The following BIRC3 variants were observed in gnomAD, a reference collection of about 807,000 sequenced individuals.
BIRC3 encodes the protein baculoviral IAP repeat-containing protein 3.
BIRC3 carries 26 observed loss-of-function variants against 59.0 expected under a neutral mutation model. The observed-to-expected ratio is 0.44, with a 90% confidence interval of 0.32 to 0.61. BIRC3 has a LOEUF of 0.61. BIRC3 is among the 20% of genes least tolerant of loss of function. The pLI, the probability that BIRC3 is intolerant of heterozygous loss-of-function variation, is 0.04. For synonymous variants in BIRC3, 243 were observed against 249.2 expected (o/e 0.98, Z 0.24); for missense variants, 641 against 711.5 (o/e 0.90, Z 1.13).
rs777921236 is a variant in BIRC3 at position 102,324,566 on chromosome 11, G to T, written c.57G>T (p.Thr19=). Residue 19 remains threonine, a synonymous_variant, in exon 2 of 9, where the codon ACG becomes ACT. Coordinates refer to ENST00000263464, the MANE Select transcript of BIRC3 (RefSeq NM_001165.5). ...CAAATTTGATGAAAAGCGCCAACAC[G>T]TTTGAACTGAAATACGACTTGTCAT... The part of the protein sequence containing the change: ...FLSNLMKSAN[T]FELKYDLSCE... 5 of 1,613,920 alleles carry T rather than the reference G, an allele frequency of 3.1e-6. No homozygotes were observed. In the African/African-American group the frequency reaches 6.7e-5, roughly 22 times the overall value.
At position 102,337,518 on chromosome 11, in the gene BIRC3, A is replaced by G. The variant is rs977775926; in HGVS notation, c.*416A>G. On this transcript the variant is annotated 3_prime_UTR_variant, in exon 9 of 9. Coordinates refer to ENST00000263464, the MANE Select transcript of BIRC3 (RefSeq NM_001165.5). ...TGAGGCAAGAGAATTACTTGAGCCCAGGAGTTTGAATCCATCCTGGGCAGC... is the reference window on the plus strand; with the variant it reads ...TGAGGCAAGAGAATTACTTGAGCCCGGGAGTTTGAATCCATCCTGGGCAGC... The G allele has an allele frequency of 1.0e-5, 4 of 392,216 alleles. No homozygotes were observed. The highest frequency in any genetic ancestry group is 2.1e-5 in the African/African-American group (1 of 48,450). The allele number at this position is 392,216 out of a possible 1,614,324, so 24.3% of individuals were successfully genotyped here. A position where few individuals can be genotyped will look rare whatever the true frequency, so the allele number is the denominator to read the frequency against.
intron 3 of BIRC3, among the ~76,000 whole-genome samples, 185 bp downstream of exon 3, chr11:102,325,750 T>C (rs941351582): frequency 1.3e-5 from 2 of 152,018 alleles, no homozygotes; most frequent in African/African-American, 4.8e-5. Context: ...AACGAAGAAA[T>C]AGATTTGGGG....
At chr11:102,330,883 T>C (rs1203510802) in intron 5 of BIRC3, 116 bp from the exon 6 acceptor site, 2 of 1,058,000 alleles carry the variant, frequency 1.9e-6, no homozygotes, top group Non-Finnish European at 2.6e-6. Context: ...ATACATTTTG[T>C]TGGTTTTACA....
At position 102,319,321 on chromosome 11, in the gene BIRC3, C is replaced by T. The variant is rs553458087; in HGVS notation, c.-2674+1750C>T. Reference sequence around the variant, plus strand: ...TCAGCCTCCTGAAGTGCTGGGATTACAGGCATGAGCCACCACACCCGGCCG... The same window carrying T: ...TCAGCCTCCTGAAGTGCTGGGATTATAGGCATGAGCCACCACACCCGGCCG... On this transcript the variant is annotated intron_variant, in intron 1 of 8. Coordinates refer to ENST00000263464, the MANE Select transcript of BIRC3 (RefSeq NM_001165.5). Among the ~76,000 whole-genome samples the T allele has an allele frequency of 9.9e-5, 15 of 152,222 alleles. No individual in the cohort carries two copies. The East Asian group carries it at 2.7e-3, about 27-fold the overall frequency.
intron 3 of BIRC3, 124 bp downstream of exon 3, chr11:102,325,689 A>T: frequency 1.1e-6 from 1 of 891,976 alleles, no homozygotes; most frequent in Non-Finnish European, 1.6e-6. Flanking sequence ...TAAGTTTAGG[A>T]TGGATTACTT....
intron 1 of BIRC3, chr11:102,320,313 T>G (rs1045283691): frequency 6.6e-6 from 1 of 152,222 alleles, no homozygotes; most frequent in Non-Finnish European, 1.5e-5. Context: ...CAGTTTGGAG[T>G]GCAGTTATGC....
At chr11:102,318,172 G>A (rs543253006) in intron 1 of BIRC3, among the ~76,000 whole-genome samples, 1 of 152,174 alleles carries the variant, frequency 6.6e-6, no homozygotes, top group Admixed American at 6.5e-5. Context: ...TATGTGCTAG[G>A]TTTGTCTCTG....
chr11:102,335,859 C>A, intron 6 of BIRC3, 107 bp from the exon 7 acceptor site: 1 of 1,175,572 alleles, frequency 8.5e-7, no homozygotes, highest in Non-Finnish European at 1.2e-6. Context: ...CAATGCCTTA[C>A]TGATTACGAA....
At chr11:102,329,482 G>A (rs558125991) in intron 5 of BIRC3, among the ~76,000 whole-genome samples, 1 of 152,084 alleles carries the variant, frequency 6.6e-6, no homozygotes, top group Non-Finnish European at 1.5e-5. Flanking sequence ...TATATTTATT[G>A]TATATTGTAT....
Position 102,339,363 on chromosome 11 carries a change from G to A in BIRC3, c.*2261G>A, listed in dbSNP as rs1951232201. ...ATGTTATTTCCCTAAGTGTTATTTT[G>A]ACATTTTGTTTTGGAAAAAATAAAT... is the stretch of plus-strand genomic sequence containing the variant. On this transcript the variant is annotated 3_prime_UTR_variant, in exon 9 of 9. Transcript: ENST00000263464. 1 of 177,928 alleles carries A rather than the reference G, an allele frequency of 5.6e-6. No individual in the cohort carries two copies. Among genetic ancestry groups the A allele is most frequent in the Non-Finnish European group, 1.2e-5 (1 of 82,962 alleles). The allele number at this position is 177,928 out of a possible 1,614,324, so 11.0% of individuals were successfully genotyped here. A position where few individuals can be genotyped will look rare whatever the true frequency, so the allele number is the denominator to read the frequency against.
chr11:102,324,012 C>CA lies in BIRC3; in HGVS notation c.-493dup, dbSNP rs1460968669. 4.8e-6 allele frequency: 1 copy of CA among 206,390 alleles called. No homozygotes were observed. Among genetic ancestry groups the CA allele is most frequent in the African/African-American group, 2.3e-5 (1 of 43,774 alleles). The allele number at this position is 206,390 out of a possible 1,614,324, so 12.8% of individuals were successfully genotyped here. The stretch of plus-strand genomic sequence containing the variant: ...CCTGGCCACTAAATTTCACAATTTC[C>CA]AAAAAGCAAAATAAACATATTCTGA... On this transcript the variant is annotated 5_prime_UTR_variant, in exon 2 of 9. Coordinates refer to ENST00000263464, the MANE Select transcript of BIRC3 (RefSeq NM_001165.5).
chr11:102,334,522 A>C (rs1951176792), intron 6 of BIRC3, among the ~76,000 whole-genome samples: 1 of 151,776 alleles, frequency 6.6e-6, no homozygotes, highest in African/African-American at 2.4e-5. Context: ...TTCTTTCTTA[A>C]ATGGTTCTTT....
chr11:102,329,491 A>G (rs1358698133), intron 5 of BIRC3, among the ~76,000 whole-genome samples: 2 of 152,192 alleles, frequency 1.3e-5, no homozygotes, highest in East Asian at 1.9e-4. Flanking sequence ...TGTATATTGT[A>G]TATCGCCTGT....
At chr11:102,329,421 A>G (rs1338421583) in intron 5 of BIRC3, among the ~76,000 whole-genome samples, 1 of 152,206 alleles carries the variant, frequency 6.6e-6, no homozygotes, top group Non-Finnish European at 1.5e-5. Flanking sequence ...CAGAGCTAAT[A>G]TTTGTACAAG....
At position 102,336,954 on chromosome 11, in the gene BIRC3, C is replaced by T. The variant is rs149475723; in HGVS notation, c.1667C>T (p.Thr556Ile). 4.4e-6 allele frequency: 7 copies of T among 1,604,130 alleles called. No homozygotes were observed. In the South Asian group the frequency reaches 4.5e-5, roughly 10 times the overall value. ...EQLRRLQEER[T>I]CKVCMDKEVS... ...TTGCGGAGACTACAAGAAGAAAGAA[C>T]ATGTAAAGTGTGTATGGACAAAGAA... The change falls in exon 9 of 9, where the codon ACA (threonine) becomes ATA (isoleucine). Residue 556 changes from threonine to isoleucine, a missense_variant. By Grantham distance (89) the Thr-to-Ile change is moderately conservative (BLOSUM62 -1). This residue lies in a region of BIRC3 where 41 missense variants were observed against 73.4 expected (regional missense o/e 0.56). Coordinates refer to ENST00000263464, the MANE Select transcript of BIRC3 (RefSeq NM_001165.5).
intron 6 of BIRC3, among the ~76,000 whole-genome samples, chr11:102,332,672 C>T (rs1261843714): frequency 6.6e-6 from 1 of 152,156 alleles, no homozygotes; most frequent in Non-Finnish European, 1.5e-5. Context: ...GGGATAAATC[C>T]AACCCTGCCC....
At chr11:102,329,676 C>T (rs1372048381) in intron 5 of BIRC3, among the ~76,000 whole-genome samples, 1 of 152,110 alleles carries the variant, frequency 6.6e-6, no homozygotes, top group Non-Finnish European at 1.5e-5. Context: ...TCTGAGCAAA[C>T]TATCACAAGA....
chr11:102,327,002 A>G (rs1311131521), intron 3 of BIRC3, among the ~76,000 whole-genome samples: 2 of 152,112 alleles, frequency 1.3e-5, no homozygotes, highest in Non-Finnish European at 2.9e-5. Context: ...AGAAGAGTTG[A>G]AGAGAGTAGC....
chr11:102,325,253 T>C lies in BIRC3; in HGVS notation c.744T>C (p.Ser248=), dbSNP rs147757750. The C allele has an allele frequency of 1.2e-5, 20 of 1,614,188 alleles. No homozygotes were observed. The highest frequency in any genetic ancestry group is 1.6e-4 in the Middle Eastern group (1 of 6,062). ...AAGACACTTCAAGATACACAGTTTC[T>C]AATCTGAGCATGCAGACACATGCAG... ...QLQDTSRYTV[S]NLSMQTHAAR... The change falls in exon 2 of 9, where the codon TCT becomes TCC. Residue 248 remains serine, a synonymous_variant. Coordinates refer to ENST00000263464, the MANE Select transcript of BIRC3 (RefSeq NM_001165.5).
Sources: gnomAD v4.1 joint callset for allele counts (sites outside exome capture counted in the v4.1 genomes callset) on GRCh38, gnomAD v4.1.1 for gene constraint, gnomAD v4.1.1 regional missense constraint, MANE v1.5 for transcripts, NCBI Gene and HGNC (gene_info 2026-07-23, HGNC 2026-07-21) for gene names.